KIF3B: variants seen among roughly 807,000 people sequenced by gnomAD.
KIF3B encodes kinesin family member 3B.
A neutral mutation model predicts 74.3 loss-of-function variants in KIF3B; 38 were observed. The ratio of observed to expected loss-of-function variants is 0.51; its 90% confidence interval spans 0.39 to 0.67. The LOEUF (loss-of-function observed/expected upper bound fraction) is 0.67, where lower values mean the gene tolerates loss of function less well. Among genes scored for constraint, KIF3B ranks in the 30% least tolerant of loss-of-function variants. The pLI is 0.00. For synonymous variants in KIF3B, 326 were observed against 342.5 expected (o/e 0.95, Z 0.53); for missense variants, 649 against 932.0 (o/e 0.70, Z 3.95).
chr20:32,322,666 A>T (rs1255807669), intron 5 of KIF3B, among the ~76,000 whole-genome samples: 1 of 53,164 alleles, frequency 1.9e-5, no homozygotes, highest in Non-Finnish European at 2.6e-5. Context: ...ATATTTATAT[A>T]TATATTTATA....
intron 1 of KIF3B, among the ~76,000 whole-genome samples, chr20:32,308,100 G>A (rs2047780999): frequency 6.6e-6 from 1 of 151,946 alleles, no homozygotes. Context: ...GCCGGGCATG[G>A]TGGCAGGTGC....
chr20:32,330,030 C>A, intron 7 of KIF3B, 111 bp from the exon 8 acceptor site: 1 of 920,266 alleles, frequency 1.1e-6, no homozygotes, highest in Non-Finnish European at 1.6e-6. Flanking sequence ...TCTTGATAGG[C>A]CCTGAATAAC....
chr20:32,317,177 C>T (rs117477171), intron 5 of KIF3B, among the ~76,000 whole-genome samples: 419 of 152,196 alleles, frequency 2.8e-3, no homozygotes, highest in Non-Finnish European at 4.8e-3. Context: ...GTGGAGATTG[C>T]GGTGAGTTGA....
chr20:32,307,652 T>C (rs1334448895), intron 1 of KIF3B, among the ~76,000 whole-genome samples: 2 of 152,128 alleles, frequency 1.3e-5, no homozygotes, highest in Non-Finnish European at 2.9e-5. Flanking sequence ...CAAGAGAATA[T>C]AAGACTTTTT....
chr20:32,300,018 C>T (rs1399176105), intron 1 of KIF3B, among the ~76,000 whole-genome samples: 3 of 152,082 alleles, frequency 2.0e-5, no homozygotes, highest in Non-Finnish European at 4.4e-5. Flanking sequence ...TAAGGCAATC[C>T]TCCTGCCTTG....
In KIF3B at chr20:32,278,368, A is replaced by G. The variant is rs1258962486; in HGVS notation, c.-66+603A>G. Reference sequence around the variant, plus strand: ...TGAGTCTTCTTTTCCTTATCTGTGAAATGAGGTAATAGACTACTGTGGAAA... The same window carrying G: ...TGAGTCTTCTTTTCCTTATCTGTGAGATGAGGTAATAGACTACTGTGGAAA... On this transcript the variant is annotated intron_variant, in intron 1 of 8. Transcript: ENST00000375712. 3.9e-5 allele frequency among the ~76,000 whole-genome samples: 6 copies of G among 152,180 alleles called. No individual in the cohort carries two copies. The East Asian group carries it at 1.2e-3, about 29-fold the overall frequency.
rs1462712805 is a variant in KIF3B at position 32,316,840 on chromosome 20, A to G, written c.1714A>G (p.Thr572Ala). 2.5e-6 allele frequency: 4 copies of G among 1,613,870 alleles called. No homozygotes were observed. Among genetic ancestry groups the G allele is most frequent in the Non-Finnish European group, 3.4e-6 (4 of 1,179,954 alleles). The stretch of plus-strand genomic sequence containing the variant: ...CAAGGAGCGCCAAGAGCTAGAGCAG[A>G]CTCAGAATGAGCTCACCAGGGAGCT... ...HIKERQELEQ[T>A]QNELTRELKL... Residue 572 changes from threonine to alanine, a missense_variant, in exon 5 of 9, where the codon ACT becomes GCT. Coordinates refer to ENST00000375712, the MANE Select transcript of KIF3B (RefSeq NM_004798.4).
At chr20:32,292,610 A>G (rs1025782529) in intron 1 of KIF3B, among the ~76,000 whole-genome samples, 2 of 150,870 alleles carry the variant, frequency 1.3e-5, no homozygotes, top group African/African-American at 4.9e-5. Context: ...AAAAAAAGAA[A>G]AGTCGGGTCC....
intron 1 of KIF3B, among the ~76,000 whole-genome samples, chr20:32,296,217 GA>G (rs2122669418): frequency 6.6e-6 from 1 of 151,976 alleles, no homozygotes. Context: ...GATAAAATGG[GA>G]AAAATGAGTA....
intron 1 of KIF3B, among the ~76,000 whole-genome samples, chr20:32,301,631 C>T (rs2047744778): frequency 6.6e-6 from 1 of 152,174 alleles, no homozygotes; most frequent in African/African-American, 2.4e-5. Flanking sequence ...CCTGCCTCAG[C>T]CTCCCAAAGT....
At chr20:32,311,242 C>T (rs1178226970) in intron 2 of KIF3B, 61 bp downstream of exon 2, 1 of 1,471,806 alleles carries the variant, frequency 6.8e-7, no homozygotes, top group Non-Finnish European at 9.0e-7. Flanking sequence ...TTTCATCAAA[C>T]AACAACAAAA....
chr20:32,304,793 C>A (rs1313627366), intron 1 of KIF3B, among the ~76,000 whole-genome samples: 1 of 126,338 alleles, frequency 7.9e-6, no homozygotes, highest in Non-Finnish European at 1.6e-5. Context: ...GAGAGCAGGT[C>A]ACAGAGAGAG....
At chr20:32,322,598 A>C (rs1487510357) in intron 5 of KIF3B, among the ~76,000 whole-genome samples, 1 of 133,276 alleles carries the variant, frequency 7.5e-6, no homozygotes, top group African/African-American at 2.9e-5. Flanking sequence ...ACAGAGCGAG[A>C]ATCCGTCTCA....
rs978028108 is a variant in KIF3B at position 32,332,684 on chromosome 20, G to A, written c.*1365G>A. Reference sequence around the variant, plus strand: ...TAAGTGTGTGTGGGTGTGAGAGCACGATGGTGCCTGTGTTCTGTGAATGTG... The same window carrying A: ...TAAGTGTGTGTGGGTGTGAGAGCACAATGGTGCCTGTGTTCTGTGAATGTG... On this transcript the variant is annotated 3_prime_UTR_variant, in exon 9 of 9. Transcript: ENST00000375712. 1.3e-5 allele frequency: 2 copies of A among 152,248 alleles called. No individual in the cohort carries two copies. Among genetic ancestry groups the A allele is most frequent in the South Asian group, 2.1e-4 (1 of 4,830 alleles). The allele number at this position is 152,248 out of a possible 1,614,324, so 9.4% of individuals were successfully genotyped here.
At chr20:32,306,218 C>A (rs2047770354) in intron 1 of KIF3B, among the ~76,000 whole-genome samples, 1 of 151,178 alleles carries the variant, frequency 6.6e-6, no homozygotes, top group African/African-American at 2.4e-5. Flanking sequence ...CATGGTGAAA[C>A]CCCATCTCTA....
At chr20:32,319,584 T>A (rs1326655843) in intron 5 of KIF3B, among the ~76,000 whole-genome samples, 1 of 67,252 alleles carries the variant, frequency 1.5e-5, no homozygotes, top group African/African-American at 3.7e-5. Context: ...TTGTTTTTGT[T>A]TTTTTTTTTT....
chr20:32,323,699 A>G (rs1184854758), intron 5 of KIF3B, among the ~76,000 whole-genome samples: 1 of 152,044 alleles, frequency 6.6e-6, no homozygotes, highest in Non-Finnish European at 1.5e-5. Flanking sequence ...CAAGATGGTG[A>G]AACCCCCATC....
At chr20:32,321,738 C>T (rs1206942208) in intron 5 of KIF3B, among the ~76,000 whole-genome samples, 1 of 152,116 alleles carries the variant, frequency 6.6e-6, no homozygotes, top group Non-Finnish European at 1.5e-5. Flanking sequence ...TGTGGAAACC[C>T]TGCATAAAGC....
chr20:32,287,254 G>C (rs1448836662), intron 1 of KIF3B, among the ~76,000 whole-genome samples: 1 of 150,104 alleles, frequency 6.7e-6, no homozygotes, highest in Non-Finnish European at 1.5e-5. Context: ...AGGCTCAAGC[G>C]ATCCTCCTGC....
Sources: gnomAD v4.1 joint callset for allele counts (sites outside exome capture counted in the v4.1 genomes callset) on GRCh38, gnomAD v4.1.1 for gene constraint, MANE v1.5 for transcripts, NCBI Gene and HGNC (gene_info 2026-07-23, HGNC 2026-07-21) for gene names.